Variants in LRMDA observed in about 807,000 individuals in gnomAD.
LRMDA encodes leucine-rich melanocyte differentiation-associated protein.
A neutral mutation model predicts 29.8 loss-of-function variants in LRMDA; 18 were observed. The ratio of observed to expected loss-of-function variants is 0.60; its 90% confidence interval spans 0.42 to 0.90. The LOEUF is 0.90. Ranked by LOEUF, LRMDA falls within the 40% of genes least tolerant of loss-of-function variation. LRMDA has a pLI of 0.00. For missense variants in LRMDA, 273 were observed against 273.9 expected, an observed-to-expected ratio of 1.00 and a Z score of 0.02; for synonymous variants, 125 against 109.4, an observed-to-expected ratio of 1.14 and a Z score of -0.89.
intron 5 of LRMDA, among the ~76,000 whole-genome samples, chr10:76,122,440 C>G (rs1429345021): frequency 6.6e-6 from 1 of 151,992 alleles, no homozygotes. Flanking sequence ...TTGTCCCTGC[C>G]ACATGATGGT....
chr10:75,727,987 A>T (rs1387926370), intron 2 of LRMDA, among the ~76,000 whole-genome samples: 2 of 152,092 alleles, frequency 1.3e-5, no homozygotes, highest in Non-Finnish European at 2.9e-5. Context: ...AAGAGAACAT[A>T]TTTTTTTGAG....
chr10:75,611,738 G>A (rs1841034729), intron 2 of LRMDA, among the ~76,000 whole-genome samples: 1 of 152,202 alleles, frequency 6.6e-6, no homozygotes, highest in African/African-American at 2.4e-5. Context: ...TTCTCTGGGT[G>A]GATGTAACCC....
chr10:75,892,330 G>C (rs1001085094), intron 2 of LRMDA, among the ~76,000 whole-genome samples: 3 of 152,324 alleles, frequency 2.0e-5, no homozygotes, highest in African/African-American at 7.2e-5. Flanking sequence ...GGATGTCCCT[G>C]TCACCTTGAA....
intron 2 of LRMDA, among the ~76,000 whole-genome samples, chr10:75,798,740 T>C (rs1436288180): frequency 6.6e-6 from 1 of 152,126 alleles, no homozygotes; most frequent in Non-Finnish European, 1.5e-5. Flanking sequence ...TAGAAGTGTA[T>C]AGTTTAATTT....
At chr10:76,464,171 G>A (rs1014362453) in intron 6 of LRMDA, among the ~76,000 whole-genome samples, 15 of 151,904 alleles carry the variant, frequency 9.9e-5, no homozygotes, top group African/African-American at 3.6e-4. Context: ...CGCCCGCCTC[G>A]GCCTCCCAAA....
At chr10:75,911,866 T>A (rs1256569362) in intron 2 of LRMDA, among the ~76,000 whole-genome samples, 2 of 152,212 alleles carry the variant, frequency 1.3e-5, no homozygotes, top group Non-Finnish European at 2.9e-5. Flanking sequence ...CATGCTGTCT[T>A]CAGCAGAAGT....
At chr10:76,292,979 A>T (rs1399391378) in intron 5 of LRMDA, among the ~76,000 whole-genome samples, 1 of 152,122 alleles carries the variant, frequency 6.6e-6, no homozygotes, top group East Asian at 1.9e-4. Flanking sequence ...TTAATTATTT[A>T]TTTATTTATG....
chr10:75,784,523 C>A (rs1843438856), intron 2 of LRMDA, among the ~76,000 whole-genome samples: 1 of 151,778 alleles, frequency 6.6e-6, no homozygotes, highest in Non-Finnish European at 1.5e-5. Context: ...CACGGTGAAA[C>A]CCTGTCTCTA....
At chr10:76,172,308 A>G (rs1194429892) in intron 5 of LRMDA, among the ~76,000 whole-genome samples, 1 of 152,230 alleles carries the variant, frequency 6.6e-6, no homozygotes, top group East Asian at 1.9e-4. Flanking sequence ...AATATTGGAC[A>G]ATAGGTAGCA....
At chr10:75,687,937 T>C (rs940690439) in intron 2 of LRMDA, among the ~76,000 whole-genome samples, 13 of 152,072 alleles carry the variant, frequency 8.5e-5, no homozygotes, top group African/African-American at 2.9e-4. Flanking sequence ...CACATCTGTT[T>C]ACAACATGGT....
intron 2 of LRMDA, among the ~76,000 whole-genome samples, chr10:75,856,214 ATTTG>A (rs1357012602): frequency 1.6e-4 from 25 of 152,218 alleles, no homozygotes; most frequent in South Asian, 1.5e-3. Context: ...ATGTTCTTCC[ATTTG>A]TTTGTATCCT....
chr10:75,613,104 A>C (rs1841053286), intron 2 of LRMDA, among the ~76,000 whole-genome samples: 1 of 127,932 alleles, frequency 7.8e-6, no homozygotes, highest in Non-Finnish European at 1.7e-5. Context: ...TGTAGACTTG[A>C]AAACCTTGCC....
intron 5 of LRMDA, among the ~76,000 whole-genome samples, chr10:76,064,555 G>T (rs1848753774): frequency 6.6e-6 from 1 of 152,110 alleles, no homozygotes; most frequent in Non-Finnish European, 1.5e-5. Context: ...ACACTTAATT[G>T]TTTTTTATGC....
chr10:76,363,259 G>GAAGGAAGGAAGGAAGGA (rs1389372082), intron 6 of LRMDA, among the ~76,000 whole-genome samples: 1 of 58,258 alleles, frequency 1.7e-5, no homozygotes, highest in Admixed American at 1.4e-4. Context: ...AAGAAAGAAG[G>GAAGGAAGGAAGGAAGGA]AAGGAAGGAA....
At chr10:75,586,943 A>C (rs1228287033) in intron 2 of LRMDA, among the ~76,000 whole-genome samples, 1 of 151,712 alleles carries the variant, frequency 6.6e-6, no homozygotes, top group Admixed American at 6.6e-5. Context: ...TACTCTGTTG[A>C]TTGATTTCTT....
Position 75,972,715 on chromosome 10 carries a change from G to T in LRMDA, c.132-63293G>T, listed in dbSNP as rs929705651. On this transcript the variant is annotated intron_variant, in intron 2 of 6. Transcript: ENST00000611255. ...GCCTGAGGGATGTCCAAATACATGA[G>T]AGATCGGAGAGAGGCCTGCAGCAGT... Among the ~76,000 whole-genome samples the T allele has an allele frequency of 2.0e-5, 3 of 152,250 alleles. No homozygotes were observed. In the South Asian group the frequency reaches 6.2e-4, roughly 32 times the overall value.
intron 6 of LRMDA, among the ~76,000 whole-genome samples, chr10:76,451,521 A>G (rs76617594): frequency 2.7e-5 from 4 of 150,846 alleles, no homozygotes; most frequent in South Asian, 2.1e-4. Flanking sequence ...TTGCATTTTT[A>G]TAGACTTTTA....
intron 5 of LRMDA, among the ~76,000 whole-genome samples, chr10:76,072,316 G>A (rs892582117): frequency 6.6e-5 from 10 of 152,146 alleles, no homozygotes; most frequent in African/African-American, 2.4e-4. Context: ...GTGACCTTGG[G>A]CAAGTCCCTC....
chr10:76,247,834 A>T (rs1852403151), intron 5 of LRMDA, among the ~76,000 whole-genome samples: 1 of 152,118 alleles, frequency 6.6e-6, no homozygotes, highest in South Asian at 2.1e-4. Flanking sequence ...CTGCCATGTA[A>T]AGAGATTGGA....
Sources: allele counts gnomAD v4.1 joint callset (sites outside exome capture counted in the v4.1 genomes callset), GRCh38; gene constraint gnomAD v4.1.1; transcripts MANE v1.5; gene names NCBI Gene and HGNC (gene_info 2026-07-23, HGNC 2026-07-21).